ACACA: variants seen among roughly 807,000 people sequenced by gnomAD.
ACACA encodes the protein acetyl-CoA carboxylase alpha.
ACACA carries 103 observed loss-of-function variants against 296.1 expected under a neutral mutation model. That is an observed-to-expected ratio of 0.35 (90% CI 0.30 to 0.41). The LOEUF (loss-of-function observed/expected upper bound fraction) is 0.41. ACACA is among the 10% of genes least tolerant of loss of function. The pLI is 1.00. For missense variants in ACACA, 1,554 were observed against 2,989.7 expected (o/e 0.52, Z 11.20); for synonymous variants, 953 against 1,038.6 (o/e 0.92, Z 1.58).
Position 37,235,032 on chromosome 17 carries a change from G to GTTCA in ACACA, c.3185_3188dup (p.Tyr1064GlufsTer21). On this transcript the variant is annotated frameshift_variant, in exon 25 of 56. Coordinates refer to ENST00000616317, the MANE Select transcript of ACACA (RefSeq NM_198834.3). LOFTEE classifies it high-confidence loss of function. ...TGACTTGAGCGTGAGAGAAGATGTA[G>GTTCA]TTCAGTACAGTGTTCATGTCACTTT... The GTTCA allele has an allele frequency of 6.2e-7, 1 of 1,613,748 alleles. No homozygotes were observed. Among genetic ancestry groups the GTTCA allele is most frequent in the Non-Finnish European group, 8.5e-7 (1 of 1,179,886 alleles).
At chr17:37,268,713 A>ATC (rs1555623052) in intron 10 of ACACA, among the ~76,000 whole-genome samples, 102 of 135,620 alleles carry the variant, frequency 7.5e-4, no homozygotes, top group African/African-American at 2.8e-3. Flanking sequence ...ATCTATATCT[A>ATC]TATCTATCTA....
intron 1 of ACACA, chr17:37,359,140 G>C (rs766705425): frequency 8.7e-5 from 86 of 985,300 alleles, no homozygotes; most frequent in Non-Finnish European, 9.6e-5. Flanking sequence ...AGAAGGGGCG[G>C]GGCTTCAGGG....
At chr17:37,210,354 C>T in intron 30 of ACACA, 113 bp downstream of exon 30, 1 of 975,522 alleles carries the variant, frequency 1.0e-6, no homozygotes, top group South Asian at 1.4e-5. Context: ...TCAGGACTCC[C>T]TAGCAGATAA....
chr17:37,179,521 T>A (rs1248050672), intron 40 of ACACA, 115 bp from the exon 41 acceptor site: 1 of 1,163,010 alleles, frequency 8.6e-7, no homozygotes, highest in African/African-American at 1.5e-5. Context: ...TTCTGCAGAG[T>A]GTAAACATTA....
At chr17:37,271,657 T>A (rs1347249235) in intron 9 of ACACA, among the ~76,000 whole-genome samples, 2 of 150,928 alleles carry the variant, frequency 1.3e-5, no homozygotes, top group Non-Finnish European at 3.0e-5. Flanking sequence ...AAAAAAGACA[T>A]AAGGAGTTCA....
intron 41 of ACACA, among the ~76,000 whole-genome samples, chr17:37,164,672 G>A (rs573141882): frequency 2.0e-5 from 3 of 152,300 alleles, no homozygotes; most frequent in African/African-American, 7.2e-5. Context: ...CCTGCATGAG[G>A]AGAAATGCTT....
intron 47 of ACACA, among the ~76,000 whole-genome samples, chr17:37,127,479 G>A (rs1029884713): frequency 2.0e-5 from 3 of 152,118 alleles, no homozygotes; most frequent in African/African-American, 4.8e-5. Flanking sequence ...ATGGCTTCCC[G>A]TATTTCCCAG....
intron 3 of ACACA, among the ~76,000 whole-genome samples, chr17:37,290,877 T>C (rs2083017436): frequency 6.6e-6 from 1 of 151,900 alleles, no homozygotes; most frequent in Admixed American, 6.5e-5. Context: ...GGTCAAGATA[T>C]CAAGGCCATC....
intron 31 of ACACA, 137 bp from the exon 32 acceptor site, chr17:37,207,016 T>A (rs1423167688): frequency 1.2e-6 from 1 of 809,580 alleles, no homozygotes; most frequent in African/African-American, 1.7e-5. Context: ...CACCAGTGGC[T>A]AGAGGTGACA....
Position 37,246,919 on chromosome 17 carries a change from C to A in ACACA, c.2367G>T (p.Ser789=). Residue 789 remains serine (S), a synonymous_variant, in exon 19 of 56, where the codon TCG becomes TCT. Transcript: ENST00000616317. ...TCVFEKENDP[S]VMRSPSAGKL... is the part of the protein sequence containing the mutation. ...TCCCAGCAGAAGGTGAGCGCATCAC[C>A]GATGGGTCATTTTCCTTCTCAAACA... 6.2e-7 allele frequency: 1 copy of A among 1,614,060 alleles called. No individual in the cohort carries two copies.
chr17:37,397,964 C>G (rs983098844), intron 1 of ACACA, among the ~76,000 whole-genome samples: 7 of 152,090 alleles, frequency 4.6e-5, no homozygotes, highest in Non-Finnish European at 1.0e-4. Flanking sequence ...GGCGCGGTGA[C>G]TCACTCCTGT....
chr17:37,299,604 G>A (rs1055744610), intron 3 of ACACA: 2 of 1,257,584 alleles, frequency 1.6e-6, no homozygotes, highest in Admixed American at 3.7e-5. Context: ...ACAATTAGTT[G>A]ATTTCCCAAG....
intron 52 of ACACA, among the ~76,000 whole-genome samples, chr17:37,099,666 GGAGGGCTGATGGCAA>G (rs1334072285): frequency 3.4e-4 from 52 of 151,334 alleles, no homozygotes; most frequent in African/African-American, 1.1e-3. Context: ...GCTGATGGAG[GGAGGGCTGATGGCAA>G]GAGGGCTGAT....
chr17:37,087,531 C>G (rs1391777749), intron 55 of ACACA, 92 bp from the exon 56 acceptor site: 16 of 1,452,358 alleles, frequency 1.1e-5, no homozygotes, highest in Non-Finnish European at 1.4e-5. Context: ...CATGTGTGCA[C>G]CGTCCACTGC....
chr17:37,108,462 C>G (rs2073811402), intron 52 of ACACA, among the ~76,000 whole-genome samples: 3 of 151,744 alleles, frequency 2.0e-5, no homozygotes, highest in Admixed American at 2.0e-4. Flanking sequence ...GATCTCGGCT[C>G]ACTGCAACCT....
In ACACA at chr17:37,173,852, C is replaced by T. The variant is rs371362862; in HGVS notation, c.5079+5408G>A. Among the ~76,000 whole-genome samples, 35 of 147,194 alleles carry T rather than the reference C, an allele frequency of 2.4e-4. No homozygotes were observed. In the East Asian group the frequency reaches 2.4e-3, roughly 10 times the overall value. ...TTTTTCAGCCAGAGTCTCACTCTGT[C>T]GCCCAGGCTGGAGTGCAGTCGTGCG... On this transcript the variant is annotated intron_variant, in intron 41 of 55. Coordinates refer to ENST00000616317, the MANE Select transcript of ACACA (RefSeq NM_198834.3).
intron 1 of ACACA, among the ~76,000 whole-genome samples, chr17:37,377,653 C>T (rs1011504693): frequency 1.4e-5 from 2 of 142,196 alleles, no homozygotes; most frequent in African/African-American, 5.4e-5. Context: ...GAGTGAGACT[C>T]CGTCTCAATA....
chr17:37,394,932 A>G (rs1051330294), intron 1 of ACACA, among the ~76,000 whole-genome samples: 1 of 151,332 alleles, frequency 6.6e-6, no homozygotes, highest in Non-Finnish European at 1.5e-5. Flanking sequence ...TAAATAAAGT[A>G]CATTCTCATT....
At chr17:37,327,402 A>G (rs1306682538) in intron 3 of ACACA, among the ~76,000 whole-genome samples, 1 of 152,352 alleles carries the variant, frequency 6.6e-6, no homozygotes, top group Non-Finnish European at 1.5e-5. Context: ...AACATTAGCT[A>G]GCTGAGGAGT....
Sources: gnomAD v4.1 joint callset for allele counts (sites outside exome capture counted in the v4.1 genomes callset) on GRCh38, gnomAD v4.1.1 for gene constraint, MANE v1.5 for transcripts, NCBI Gene and HGNC (gene_info 2026-07-23, HGNC 2026-07-21) for gene names.